Variants in TLCD3A observed in about 807,000 individuals in gnomAD.
TLCD3A encodes the protein TLC domain-containing protein 3A.
In TLCD3A, 17 loss-of-function variants were observed where a neutral mutation model predicts 29.9. The observed-to-expected ratio is 0.57, with a 90% CI of 0.39 to 0.85. TLCD3A has a LOEUF of 0.85. Ranked by LOEUF, TLCD3A falls within the 40% of genes least tolerant of loss-of-function variation. The pLI, the probability that TLCD3A is intolerant of heterozygous loss-of-function variation, is 0.00. For synonymous variants in TLCD3A, 143 were observed against 147.7 expected (o/e 0.97, Z 0.23); for missense variants, 332 against 350.8 (o/e 0.95, Z 0.43).
At position 740,592 on chromosome 17, in the gene TLCD3A, C is replaced by G; in HGVS notation, c.496C>G (p.Leu166Val). Residue 166 changes from leucine to valine, a missense_variant, in exon 4 of 5, where the codon CTG becomes GTG. Physicochemically the swap from Leu to Val is conservative, Grantham distance 32. Coordinates refer to ENST00000308278, the MANE Select transcript of TLCD3A (RefSeq NM_024792.3). ...STPFVSLGRV[L>V]IQLKQQHTLL... ...TCCGTTTGTGTCGCTGGGCAGGGTT[C>G]TGATTCAGGCATGTATGAATGAAAT... 2 of 1,611,032 alleles carry G rather than the reference C, an allele frequency of 1.2e-6. No individual in the cohort carries two copies. The highest frequency in any genetic ancestry group is 1.7e-6 in the Non-Finnish European group (2 of 1,177,546).
chr17:733,112 T>C lies in TLCD3A; in HGVS notation c.137T>C (p.Val46Ala). 1 of 1,591,192 alleles carries C rather than the reference T, an allele frequency of 6.3e-7. No individual in the cohort carries two copies. The highest frequency in any genetic ancestry group is 8.5e-7 in the Non-Finnish European group (1 of 1,169,784). Residue 46 changes from valine to alanine, a missense_variant, in exon 2 of 5, where the codon GTG becomes GCG. Coordinates refer to ENST00000308278, the MANE Select transcript of TLCD3A (RefSeq NM_024792.3). ...VMISTRLVSS[V>A]HAVLATGSGI... ...GCCCGCGCTAGGCTGGTTTCCTCGG[T>C]GCACGCCGTGCTGGCCACCGGCTCG...
In TLCD3A at chr17:741,435, A is replaced by C; in HGVS notation, c.639A>C (p.Gln213His). 1 of 1,614,184 alleles carries C rather than the reference A, an allele frequency of 6.2e-7. No homozygotes were observed. The highest frequency in any genetic ancestry group is 8.5e-7 in the Non-Finnish European group (1 of 1,180,034). ...YGRQQGLSLLQVPFSIPFYCN... is the reference protein window; with the variant it reads ...YGRQQGLSLLHVPFSIPFYCN... The stretch of plus-strand genomic sequence containing the variant: ...GCCAGCAGGGACTAAGCCTGCTCCA[A>C]GTACCCTTCAGCATCCCATTCTACT... The change falls in exon 5 of 5, where the codon CAA (glutamine) becomes CAC (histidine). Residue 213 changes from glutamine to histidine, a missense_variant. Gln to His is a conservative substitution (Grantham distance 24). Coordinates refer to ENST00000308278, the MANE Select transcript of TLCD3A (RefSeq NM_024792.3).
chr17:736,543 T>C (rs1197307465), intron 2 of TLCD3A, among the ~76,000 whole-genome samples: 1 of 152,206 alleles, frequency 6.6e-6, no homozygotes, highest in East Asian at 1.9e-4. Flanking sequence ...TTCAGCCCCT[T>C]TGGATAAGTA....
At chr17:740,665 C>G (rs1974237243) in intron 4 of TLCD3A, 65 bp downstream of exon 4, 3 of 1,481,248 alleles carry the variant, frequency 2.0e-6, no homozygotes, top group Non-Finnish European at 2.8e-6. Flanking sequence ...AATGAAATGA[C>G]AGAGAGAGTG....
intron 2 of TLCD3A, among the ~76,000 whole-genome samples, chr17:736,559 G>GA (rs1187359490): frequency 6.6e-6 from 1 of 152,148 alleles, no homozygotes; most frequent in Non-Finnish European, 1.5e-5. Context: ...AAGTAAATGG[G>GA]AAAACTGTCT....
intron 2 of TLCD3A, among the ~76,000 whole-genome samples, chr17:736,345 A>G (rs1974153678): frequency 1.3e-5 from 2 of 152,240 alleles, no homozygotes; most frequent in African/African-American, 4.8e-5. Context: ...GTGGATGCGC[A>G]TCAAACGTTT....
At chr17:734,312 C>G (rs1319573987) in intron 2 of TLCD3A, among the ~76,000 whole-genome samples, 1 of 149,606 alleles carries the variant, frequency 6.7e-6, no homozygotes, top group African/African-American at 2.4e-5. Flanking sequence ...AGCCACCACA[C>G]CCAGCAAATT....
chr17:733,036 C>CGGGCG, intron 1 of TLCD3A, 62 bp from the exon 2 acceptor site: 1 of 1,525,140 alleles, frequency 6.6e-7, no homozygotes, highest in Non-Finnish European at 8.9e-7. Flanking sequence ...AGGGCCGGGC[C>CGGGCG]GGGCTCCCTG....
At position 741,312 on chromosome 17, in the gene TLCD3A, G is replaced by T. The variant is rs775549671; in HGVS notation, c.516G>T (p.Gln172His). 1.2e-6 allele frequency: 2 copies of T among 1,614,154 alleles called. No individual in the cohort carries two copies. Among genetic ancestry groups the T allele is most frequent in the Non-Finnish European group, 1.7e-6 (2 of 1,180,034 alleles). Reference sequence around the variant, plus strand: ...CTCTTCTATTGCAGCTAAAGCAGCAGCACACCCTTCTGTACAAGGTGAATG... The same window carrying T: ...CTCTTCTATTGCAGCTAAAGCAGCATCACACCCTTCTGTACAAGGTGAATG... Reference protein sequence around the residue: ...LGRVLIQLKQQHTLLYKVNGI... With the variant: ...LGRVLIQLKQHHTLLYKVNGI... Residue 172 changes from glutamine to histidine, a missense_variant, in exon 5 of 5, where the codon CAG becomes CAT. Coordinates refer to ENST00000308278, the MANE Select transcript of TLCD3A (RefSeq NM_024792.3).
intron 1 of TLCD3A, 90 bp downstream of exon 1, chr17:732,859 C>T (rs976595405): frequency 7.3e-7 from 1 of 1,365,672 alleles, no homozygotes; most frequent in African/African-American, 1.5e-5. Context: ...AAAAGGGGGG[C>T]GGCAGGAAGC....
In TLCD3A at chr17:742,302, C is replaced by G. The variant is rs1974269905; in HGVS notation, c.*732C>G. ...GACAAACTTGTGAGCTTACTGCAGT[C>G]AGTCACAGAGGCTGTTCTTTTTCAC... On this transcript the variant is annotated 3_prime_UTR_variant, in exon 5 of 5. Transcript: ENST00000308278. 1 of 152,242 alleles carries G rather than the reference C, an allele frequency of 6.6e-6. No individual in the cohort carries two copies. Among genetic ancestry groups the G allele is most frequent in the Non-Finnish European group, 1.5e-5 (1 of 68,098 alleles). The allele number at this position is 152,242 out of a possible 1,614,324, so 9.4% of individuals were successfully genotyped here. A position where few individuals can be genotyped will look rare whatever the true frequency, so the allele number is the denominator to read the frequency against.
rs1362139045 is a variant in TLCD3A at position 741,332 on chromosome 17, T to C, written c.536T>C (p.Val179Ala). ...CAGCAGCACACCCTTCTGTACAAGG[T>C]GAATGGAATCCTCACGCTGGCCACC... ...LKQQHTLLYK[V>A]NGILTLATFL... is the part of the protein sequence containing the mutation. Residue 179 changes from valine to alanine, a missense_variant, in exon 5 of 5, where the codon GTG (valine) becomes GCG (alanine). Val to Ala is a moderately conservative substitution (Grantham distance 64). Transcript: ENST00000308278. The C allele has an allele frequency of 6.2e-7, 1 of 1,614,078 alleles. No individual in the cohort carries two copies. The highest frequency in any genetic ancestry group is 1.3e-5 in the African/African-American group (1 of 74,922).
rs182219879 is a variant in TLCD3A at position 740,494 on chromosome 17, G to A, written c.409-11G>A. The A allele has an allele frequency of 7.8e-5, 126 of 1,610,912 alleles. No homozygotes were observed. In the South Asian group the frequency reaches 9.0e-4, roughly 12 times the overall value. On this transcript the variant is annotated splice_polypyrimidine_tract_variant and intron_variant, in intron 3 of 4. Coordinates refer to ENST00000308278, the MANE Select transcript of TLCD3A (RefSeq NM_024792.3). ...TCCACTTACTTCCCCTTTTCGTTTC[G>A]TCATCCGCAGAGGCTCCGGGGAGAC...
chr17:741,925 T>A lies in TLCD3A; in HGVS notation c.*355T>A, dbSNP rs1974262995. On this transcript the variant is annotated 3_prime_UTR_variant, in exon 5 of 5. Coordinates refer to ENST00000308278, the MANE Select transcript of TLCD3A (RefSeq NM_024792.3). ...GTCTGCACATCTGCCTGTCCCTGTA[T>A]CAGCGGCTACCCACCTTCCAAACCA... 3.0e-6 allele frequency: 1 copy of A among 335,882 alleles called. No individual in the cohort carries two copies. Among genetic ancestry groups the A allele is most frequent in the Admixed American group, 4.5e-5 (1 of 22,020 alleles). 20.8% of individuals were successfully genotyped at this position (335,882 alleles called of 1,614,324 possible). A position where few individuals can be genotyped will look rare whatever the true frequency, so the allele number is the denominator to read the frequency against.
In TLCD3A at chr17:741,748, C is replaced by A; in HGVS notation, c.*178C>A. ...TTCTAACTTGCCCTATTTGCAAAAGCACTTTTGTAGTAACAACTATTGGGT... is the reference window on the plus strand; with the variant it reads ...TTCTAACTTGCCCTATTTGCAAAAGAACTTTTGTAGTAACAACTATTGGGT... On this transcript the variant is annotated 3_prime_UTR_variant, in exon 5 of 5. Transcript: ENST00000308278. The A allele has an allele frequency of 1.3e-6, 1 of 746,972 alleles. No individual in the cohort carries two copies. Among genetic ancestry groups the A allele is most frequent in the Non-Finnish European group, 2.1e-6 (1 of 470,058 alleles). 46.3% of individuals were successfully genotyped at this position (746,972 alleles called of 1,614,324 possible). A position where few individuals can be genotyped will look rare whatever the true frequency, so the allele number is the denominator to read the frequency against.
rs1183156724 is a variant in TLCD3A, at chr17:732,659, G to GCTGGCCGGGGGCGCGCTCTT, written c.15_34dup (p.Phe12TrpfsTer32). On this transcript the variant is annotated frameshift_variant, in exon 1 of 5. Transcript: ENST00000308278. LOFTEE classifies it high-confidence loss of function. ...GACCCGCAGCCCCGATGCTGCTGAC[G>GCTGGCCGGGGGCGCGCTCTT]CTGGCCGGGGGCGCGCTCTTCTTCC... 3 of 1,374,796 alleles carry GCTGGCCGGGGGCGCGCTCTT rather than the reference G, an allele frequency of 2.2e-6. No individual in the cohort carries two copies. The highest frequency in any genetic ancestry group is 1.9e-6 in the Non-Finnish European group (2 of 1,059,558). 85.2% of individuals were successfully genotyped at this position (1,374,796 alleles called of 1,614,324 possible).
intron 2 of TLCD3A, among the ~76,000 whole-genome samples, chr17:737,253 C>A (rs1974170591): frequency 6.7e-6 from 1 of 149,706 alleles, no homozygotes; most frequent in South Asian, 2.1e-4. Context: ...CTCAAGTGAT[C>A]CACCCGCCTC....
rs1034935262 is a variant in TLCD3A, at chr17:741,912, G to C, written c.*342G>C. On this transcript the variant is annotated 3_prime_UTR_variant, in exon 5 of 5. Coordinates refer to ENST00000308278, the MANE Select transcript of TLCD3A (RefSeq NM_024792.3). ...CAGGGTGGTAAGTGTCTGCACATCT[G>C]CCTGTCCCTGTATCAGCGGCTACCC... The C allele has an allele frequency of 1.4e-5, 5 of 356,276 alleles. No homozygotes were observed. The highest frequency in any genetic ancestry group is 8.4e-5 in the African/African-American group (4 of 47,720). 22.1% of individuals were successfully genotyped at this position (356,276 alleles called of 1,614,324 possible).
intron 2 of TLCD3A, among the ~76,000 whole-genome samples, chr17:735,832 G>C (rs368770708): frequency 6.6e-6 from 1 of 151,666 alleles, no homozygotes; most frequent in Non-Finnish European, 1.5e-5. Flanking sequence ...GAAAATAGCC[G>C]GACGTGGCGG....
Sources: allele counts gnomAD v4.1 joint callset (sites outside exome capture counted in the v4.1 genomes callset), GRCh38; gene constraint gnomAD v4.1.1; transcripts MANE v1.5; gene names NCBI Gene and HGNC (gene_info 2026-07-23, HGNC 2026-07-21).